GPM6B: variants seen among roughly 807,000 people sequenced by gnomAD.
GPM6B encodes the protein glycoprotein M6B, also known as neuronal membrane glycoprotein M6-b.
GPM6B carries 4 observed loss-of-function variants against 27.2 expected under a neutral mutation model. That is an observed-to-expected ratio of 0.15 (90% CI 0.07 to 0.34). The LOEUF is 0.34. Among genes scored for constraint, GPM6B ranks in the 10% least tolerant of loss-of-function variants. The pLI is 1.00. For missense variants in GPM6B, 183 were observed against 261.9 expected (o/e 0.70, Z 2.08); for synonymous variants, 124 against 103.1 (o/e 1.20, Z -1.23).
chrX:13,877,603 C>T (rs1437581876), intron 1 of GPM6B, among the ~76,000 whole-genome samples: 1 of 109,218 alleles, frequency 9.2e-6, no homozygotes. Flanking sequence ...AGGCAGATCG[C>T]TTGAGCCCAG....
chrX:13,785,086 T>A (rs1447991488), intron 3 of GPM6B, among the ~76,000 whole-genome samples: 3 of 111,499 alleles, frequency 2.7e-5, no homozygotes. Flanking sequence ...GTCCTATGTG[T>A]GCACCTTACC....
intron 1 of GPM6B, among the ~76,000 whole-genome samples, chrX:13,877,407 A>G (rs1459736482): frequency 8.9e-6 from 1 of 111,878 alleles, no homozygotes; most frequent in African/African-American, 3.3e-5. Flanking sequence ...TGAGTGGACT[A>G]GAATTGGTAA....
chrX:13,841,109 TAC>T (rs1157604368), intron 1 of GPM6B, among the ~76,000 whole-genome samples: 2 of 112,325 alleles, frequency 1.8e-5, no homozygotes, highest in African/African-American at 3.3e-5. Flanking sequence ...TGCCCACACA[TAC>T]ACATTTATAT....
At chrX:13,912,313 C>T (rs2050385102) in intron 1 of GPM6B, among the ~76,000 whole-genome samples, 1 of 111,955 alleles carries the variant, frequency 8.9e-6, no homozygotes, top group Non-Finnish European at 1.9e-5. Context: ...CTCTATAGTT[C>T]AGACAGCCAA....
chrX:13,827,087 G>C (rs946890763), intron 1 of GPM6B, among the ~76,000 whole-genome samples: 1 of 109,780 alleles, frequency 9.1e-6, no homozygotes, highest in Admixed American at 9.8e-5. Flanking sequence ...CTCACTCAAA[G>C]AGTCTGCAAC....
chrX:13,777,234 A>G (rs2048430427), intron 6 of GPM6B, 118 bp downstream of exon 6: 3 of 539,312 alleles, frequency 5.6e-6, no homozygotes. Flanking sequence ...TAAAGATTCT[A>G]AACAAGGAGC....
chrX:13,836,723 T>A (rs746285583), intron 1 of GPM6B, among the ~76,000 whole-genome samples: 1 of 112,792 alleles, frequency 8.9e-6, no homozygotes, highest in Non-Finnish European at 1.9e-5. Flanking sequence ...CGATTCACTT[T>A]CATGAACTAT....
At chrX:13,810,478 G>A (rs1293170268) in intron 1 of GPM6B, among the ~76,000 whole-genome samples, 1 of 111,444 alleles carries the variant, frequency 9.0e-6, no homozygotes, top group African/African-American at 3.3e-5. Context: ...AGCACCCTGG[G>A]ACCCTGTGGA....
rs142020712 is a variant in GPM6B at position 13,838,817 on chromosome X, T to C, written c.-197-53009A>G. On this transcript the variant is annotated intron_variant, in intron 1 of 6. Coordinates refer to the GPM6B transcript ENST00000398361. ...TTGCCTTTATTAGAGGCCTAGACAT[T>C]GTCCCTCTCCCTCAGGCCTAGGTGC... Among the ~76,000 whole-genome samples the C allele has an allele frequency of 6.8e-3, 757 of 111,576 alleles. 10 individuals carry two copies. The highest frequency in any genetic ancestry group is 0.023 in the African/African-American group (707 of 30,665).
At chrX:13,931,491 AAAAAAAG>A (rs1182359805) in intron 1 of GPM6B, among the ~76,000 whole-genome samples, 1 of 110,359 alleles carries the variant, frequency 9.1e-6, no homozygotes, top group East Asian at 2.8e-4. Flanking sequence ...CCTTCTCAAA[AAAAAAAG>A]AAAAAAGAAA....
At chrX:13,845,526 CCTT>C (rs1168220105) in intron 1 of GPM6B, among the ~76,000 whole-genome samples, 6 of 111,775 alleles carry the variant, frequency 5.4e-5, no homozygotes, top group Admixed American at 1.9e-4. Context: ...TGAAAATTCT[CCTT>C]CTTCTAATAT....
intron 2 of GPM6B, among the ~76,000 whole-genome samples, chrX:13,789,805 C>G (rs2048679257): frequency 9.2e-6 from 1 of 108,136 alleles, no homozygotes; most frequent in South Asian, 4.0e-4. Flanking sequence ...AACAAAAAGA[C>G]AAAAAAAACA....
chrX:13,780,657 C>G (rs180680998), intron 4 of GPM6B, among the ~76,000 whole-genome samples: 13 of 112,133 alleles, frequency 1.2e-4, no homozygotes, highest in African/African-American at 3.9e-4. Context: ...AGCAAAGCAA[C>G]GGCTTAGGGA....
chrX:13,933,079 A>G (rs1238656024), intron 1 of GPM6B, among the ~76,000 whole-genome samples: 4 of 111,844 alleles, frequency 3.6e-5, no homozygotes, highest in African/African-American at 9.7e-5. Context: ...GCAGTACATC[A>G]ATGTTAATTT....
intron 1 of GPM6B, among the ~76,000 whole-genome samples, chrX:13,886,719 TAAAAAA>T (rs5901522): frequency 8.5e-5 from 3 of 35,105 alleles, no homozygotes; most frequent in African/African-American, 1.9e-4. Context: ...AAGTCACTAC[TAAAAAA>T]AAAAAAAAAA....
chrX:13,910,284 G>T (rs2050367283), intron 1 of GPM6B, among the ~76,000 whole-genome samples: 1 of 112,688 alleles, frequency 8.9e-6, no homozygotes, highest in Non-Finnish European at 1.9e-5. Context: ...AGCCCAGTCA[G>T]CACCCTGCAC....
chrX:13,864,071 A>G (rs1279516845), intron 1 of GPM6B, among the ~76,000 whole-genome samples: 1 of 112,127 alleles, frequency 8.9e-6, no homozygotes, highest in Non-Finnish European at 1.9e-5. Flanking sequence ...AAAAGTTGTT[A>G]CAGATTGAAC....
intron 1 of GPM6B, among the ~76,000 whole-genome samples, chrX:13,837,011 T>C (rs781696524): frequency 8.9e-6 from 1 of 112,425 alleles, no homozygotes; most frequent in Non-Finnish European, 1.9e-5. Context: ...TCCAATACTG[T>C]TGTCTCATTG....
At chrX:13,781,759 G>A (rs145205015) in intron 4 of GPM6B, among the ~76,000 whole-genome samples, 5 of 111,811 alleles carry the variant, frequency 4.5e-5, no homozygotes, top group Non-Finnish European at 7.5e-5. Context: ...AATGTCTCAC[G>A]TCTCCCTAAA....
Sources: gnomAD v4.1 joint callset for allele counts (sites outside exome capture counted in the v4.1 genomes callset) on GRCh38, gnomAD v4.1.1 for gene constraint, MANE v1.5 for transcripts, NCBI Gene and HGNC (gene_info 2026-07-23, HGNC 2026-07-21) for gene names.